The following ZC3H12B variants were observed in gnomAD, a reference collection of about 807,000 sequenced individuals.
The protein encoded by ZC3H12B is zinc finger CCCH-type containing 12B.
Under a neutral mutation model 43.9 loss-of-function variants are expected in ZC3H12B, and 7 were observed. That is an observed-to-expected ratio of 0.16 (90% CI 0.09 to 0.30). ZC3H12B has a LOEUF of 0.30. ZC3H12B is among the 10% of genes least tolerant of loss of function. ZC3H12B has a pLI of 1.00. For synonymous variants in ZC3H12B, 222 were observed against 241.7 expected, an observed-to-expected ratio of 0.92 and a Z score of 0.76; for missense variants, 475 against 670.2, an observed-to-expected ratio of 0.71 and a Z score of 3.22.
the ZC3H12B span, among the ~76,000 whole-genome samples, chrX:65,070,615 A>G: frequency 9.1e-6 from 1 of 110,257 alleles, no homozygotes; most frequent in East Asian, 2.8e-4. Context: ...TGTGTCCCAG[A>G]GATTCTGGTT....
At chrX:65,101,555 G>A in the ZC3H12B span, among the ~76,000 whole-genome samples, 1 of 111,348 alleles carries the variant, frequency 9.0e-6, no homozygotes, top group South Asian at 3.8e-4. Context: ...ATGTTAAAGG[G>A]GACATCACCA....
the ZC3H12B span, among the ~76,000 whole-genome samples, chrX:65,202,102 T>TTC: frequency 4.0e-5 from 3 of 75,918 alleles, 1 homozygote; most frequent in African/African-American, 2.8e-4. Flanking sequence ...TATATATATT[T>TTC]TATATAATAT....
chrX:65,434,186 C>G lies in ZC3H12B; in HGVS notation n.407+35482C>G, dbSNP rs146045192. Among the ~76,000 whole-genome samples, 122 of 112,083 alleles carry G rather than the reference C, an allele frequency of 1.1e-3. No homozygotes were observed. In the Middle Eastern group the frequency reaches 0.037, roughly 34 times the overall value. ...TTCATTTGAGTGACTAAAGTTCACA[C>G]TGTAAGGTCTGGCCTGCAGAGAAAA... On this transcript the variant is annotated intron_variant and non_coding_transcript_variant, in intron 3 of 5. Coordinates refer to the ZC3H12B transcript ENST00000617377.
the ZC3H12B span, among the ~76,000 whole-genome samples, chrX:65,039,958 G>A: frequency 9.0e-6 from 1 of 111,692 alleles, no homozygotes; most frequent in Non-Finnish European, 1.9e-5. Context: ...TAAACTTTAT[G>A]TAGTTATACT....
chrX:65,154,284 A>G, the ZC3H12B span, among the ~76,000 whole-genome samples: 1 of 112,164 alleles, frequency 8.9e-6, no homozygotes, highest in Non-Finnish European at 1.9e-5. Context: ...GCCGTACACA[A>G]ACATCGTATA....
chrX:65,159,746 A>G, the ZC3H12B span, among the ~76,000 whole-genome samples: 6 of 111,619 alleles, frequency 5.4e-5, no homozygotes, highest in East Asian at 1.4e-3. Context: ...TAATTGAATA[A>G]CCTTTATTTC....
chrX:65,185,180 A>T, the ZC3H12B span: 2 of 111,591 alleles, frequency 1.8e-5, no homozygotes, highest in Non-Finnish European at 3.8e-5. Context: ...GCAACAATGG[A>T]TATGGACGGT....
intron 1 of ZC3H12B, among the ~76,000 whole-genome samples, chrX:65,490,379 GAAAAAAAAAAAA>G (rs1032989325): frequency 3.6e-5 from 2 of 54,996 alleles, no homozygotes; most frequent in African/African-American, 6.9e-5. Flanking sequence ...ACTGTTTCAG[GAAAAAAAAAAAA>G]AAAAAAAAAA....
At chrX:65,062,801 T>C in the ZC3H12B span, among the ~76,000 whole-genome samples, 1 of 112,175 alleles carries the variant, frequency 8.9e-6, no homozygotes, top group Non-Finnish European at 1.9e-5. Flanking sequence ...GCATGGAATG[T>C]TTTTCCTTTT....
chrX:65,149,791 T>C, the ZC3H12B span, among the ~76,000 whole-genome samples: 25 of 103,113 alleles, frequency 2.4e-4, no homozygotes, highest in Admixed American at 2.2e-3. Flanking sequence ...ATAATAATAA[T>C]AATAATAATA....
the ZC3H12B span, among the ~76,000 whole-genome samples, chrX:65,134,882 G>A: frequency 9.0e-6 from 1 of 111,269 alleles, no homozygotes; most frequent in Non-Finnish European, 1.9e-5. Flanking sequence ...TACAGTCAAA[G>A]GGGTTGTTCT....
the ZC3H12B span, among the ~76,000 whole-genome samples, chrX:65,157,379 T>G: frequency 2.7e-5 from 3 of 112,484 alleles, no homozygotes; most frequent in South Asian, 1.1e-3. Flanking sequence ...ATATAAATAT[T>G]TAAAACTGTG....
At chrX:65,451,188 G>A (rs1199321691) in intron 3 of ZC3H12B, among the ~76,000 whole-genome samples, 1 of 110,608 alleles carries the variant, frequency 9.0e-6, no homozygotes, top group East Asian at 2.8e-4. Flanking sequence ...GACCTCGAGT[G>A]AGCCACACAC....
intron 3 of ZC3H12B, among the ~76,000 whole-genome samples, chrX:65,473,014 A>G (rs540089551): frequency 2.1e-5 from 2 of 95,747 alleles, no homozygotes; most frequent in Non-Finnish European, 4.1e-5. Context: ...ATATATATAT[A>G]TATCTGTTTG....
the ZC3H12B span, among the ~76,000 whole-genome samples, chrX:65,314,499 T>C: frequency 2.0e-4 from 22 of 111,659 alleles, no homozygotes; most frequent in Admixed American, 2.1e-3. Context: ...GGAAACAACA[T>C]TGTTAAAGTG....
intron 2 of ZC3H12B, among the ~76,000 whole-genome samples, chrX:65,379,361 C>T (rs746998089): frequency 1.8e-5 from 2 of 111,486 alleles, no homozygotes; most frequent in South Asian, 3.8e-4. Flanking sequence ...ACACCTCACA[C>T]GGCCGGGTAC....
chrX:65,271,339 T>C, the ZC3H12B span: 1 of 112,858 alleles, frequency 8.9e-6, no homozygotes, highest in Non-Finnish European at 1.9e-5. Flanking sequence ...TGGAAGTAAA[T>C]GACAAAGAAA....
the ZC3H12B span, among the ~76,000 whole-genome samples, chrX:65,289,062 C>G: frequency 5.4e-5 from 6 of 110,168 alleles, 1 homozygote; most frequent in Admixed American, 3.9e-4. Flanking sequence ...GCAAGGAAAA[C>G]TACAAAATAC....
chrX:65,152,047 A>T, the ZC3H12B span, among the ~76,000 whole-genome samples: 2 of 111,355 alleles, frequency 1.8e-5, no homozygotes, highest in Non-Finnish European at 3.8e-5. Context: ...CATGCTAAAA[A>T]CTCTCAATAA....
Sources: gnomAD v4.1 joint callset for allele counts (sites outside exome capture counted in the v4.1 genomes callset) on GRCh38, gnomAD v4.1.1 for gene constraint, MANE v1.5 for transcripts, NCBI Gene and HGNC (gene_info 2026-07-23, HGNC 2026-07-21) for gene names.